Variants in H3-7 observed in about 807,000 individuals in gnomAD.
H3-7 encodes the protein histone H3-7.
chr1:143,905,759 G>A, the H3-7 span: 2 of 1,582,074 alleles, frequency 1.3e-6, no homozygotes, highest in Non-Finnish European at 1.7e-6. Flanking sequence ...CGTACCAGCC[G>A]CTGGAAGGGC....
the H3-7 span, chr1:143,905,895 T>C: frequency 7.5e-5 from 118 of 1,580,018 alleles, 12 homozygotes; most frequent in Non-Finnish European, 1.0e-4. Flanking sequence ...TGCGGGCCGC[T>C]TTGGTAGCCA....
At chr1:143,905,925 G>A in the H3-7 span, 1 of 1,580,140 alleles carries the variant, frequency 6.3e-7, no homozygotes, top group Non-Finnish European at 8.7e-7. Flanking sequence ...TCGGGGCCTT[G>A]CCGCCGGTCG....
At chr1:143,905,216 A>C in the H3-7 span, among the ~76,000 whole-genome samples, 1 of 64,318 alleles carries the variant, frequency 1.6e-5, no homozygotes, top group Non-Finnish European at 3.1e-5. Context: ...GACTCGCCCC[A>C]CCCTTACACT....
the H3-7 span, chr1:143,905,446 C>A: frequency 1.5e-5 from 14 of 906,552 alleles, no homozygotes; most frequent in South Asian, 2.3e-4. Context: ...TGGCCCCTGA[C>A]CGCTGCGCAA....
chr1:143,904,593 G>T, the H3-7 span: 7 of 1,591,212 alleles, frequency 4.4e-6, no homozygotes, highest in Non-Finnish European at 6.0e-6. Context: ...GGATTTCGCT[G>T]GATCCGGCAT....
the H3-7 span, chr1:143,904,428 G>T: frequency 6.3e-7 from 1 of 1,582,892 alleles, no homozygotes; most frequent in Non-Finnish European, 8.6e-7. Flanking sequence ...GATGCCCATG[G>T]TCTTGGACGA....
chr1:143,905,374 T>G, the H3-7 span: 2 of 570,694 alleles, frequency 3.5e-6, no homozygotes, highest in Non-Finnish European at 6.3e-6. Flanking sequence ...CGGCTTTCTC[T>G]ACTGCCGGCC....
At chr1:143,905,815 T>A in the H3-7 span, 1 of 1,582,102 alleles carries the variant, frequency 6.3e-7, no homozygotes, top group Admixed American at 1.7e-5. Context: ...GCGCCGGATC[T>A]CCCGCAGAGC....
the H3-7 span, chr1:143,904,639 G>C: frequency 6.3e-7 from 1 of 1,577,288 alleles, no homozygotes; most frequent in African/African-American, 1.4e-5. Flanking sequence ...ACTTAAAGAA[G>C]TAATCCGAAC....
chr1:143,903,272 AG>A, the H3-7 span, among the ~76,000 whole-genome samples: 1 of 110,096 alleles, frequency 9.1e-6, no homozygotes, highest in Non-Finnish European at 1.9e-5. Context: ...CTTGTCCTGG[AG>A]GAAGTATTTT....
chr1:143,902,504 T>A, the H3-7 span, among the ~76,000 whole-genome samples: 152 of 140,414 alleles, frequency 1.1e-3, 5 homozygotes, highest in African/African-American at 3.7e-3. Flanking sequence ...AATGGCTTAA[T>A]TTCAAAGGCT....
chr1:143,905,737 T>G, the H3-7 span: 2 of 1,581,708 alleles, frequency 1.3e-6, no homozygotes, highest in Non-Finnish European at 1.7e-6. Context: ...CTTAAACTCC[T>G]GCGCGATCTC....
At chr1:143,905,673 C>G in the H3-7 span, 1 of 1,583,002 alleles carries the variant, frequency 6.3e-7, no homozygotes, top group Non-Finnish European at 8.7e-7. Context: ...CCAGGTAGGC[C>G]TCTCTGGCCT....
chr1:143,904,610 G>T, the H3-7 span: 1 of 1,582,834 alleles, frequency 6.3e-7, no homozygotes, highest in Non-Finnish European at 8.6e-7. Flanking sequence ...GCATTTTTGC[G>T]CGAAAAAAGA....
the H3-7 span, among the ~76,000 whole-genome samples, chr1:143,902,795 A>T: frequency 6.9e-6 from 1 of 144,354 alleles, no homozygotes; most frequent in Non-Finnish European, 1.5e-5. Context: ...CACCTATTAA[A>T]ACATCCACAC....
the H3-7 span, chr1:143,905,545 A>G: frequency 3.8e-5 from 59 of 1,560,036 alleles, 10 homozygotes; most frequent in Non-Finnish European, 5.0e-5. Flanking sequence ...TCGACCACTT[A>G]AAAATATACC....
At chr1:143,903,953 C>A in the H3-7 span, among the ~76,000 whole-genome samples, 2 of 146,486 alleles carry the variant, frequency 1.4e-5, no homozygotes, top group East Asian at 2.0e-4. Flanking sequence ...TATCCCAGAA[C>A]GAGTCAAACC....
chr1:143,903,545 C>A, the H3-7 span, among the ~76,000 whole-genome samples: 5 of 20,898 alleles, frequency 2.4e-4, no homozygotes, highest in South Asian at 3.7e-3. Context: ...CACCTCCCCC[C>A]CAACACACAC....
chr1:143,903,916 C>G, the H3-7 span, among the ~76,000 whole-genome samples: 1 of 145,492 alleles, frequency 6.9e-6, no homozygotes, highest in Non-Finnish European at 1.5e-5. Flanking sequence ...AACCACCCCC[C>G]GCCTCCTTCC....
Sources: gnomAD v4.1 joint callset for allele counts (sites outside exome capture counted in the v4.1 genomes callset) on GRCh38, gnomAD v4.1.1 for gene constraint, MANE v1.5 for transcripts, NCBI Gene and HGNC (gene_info 2026-07-23, HGNC 2026-07-21) for gene names.